Variants in XKR4 observed in about 807,000 individuals in gnomAD.
The protein encoded by XKR4 is XK-related protein 4.
Under a neutral mutation model 53.9 loss-of-function variants are expected in XKR4, and 12 were observed. That is an observed-to-expected ratio of 0.22 (90% CI 0.14 to 0.36). The LOEUF (loss-of-function observed/expected upper bound fraction) is 0.36. XKR4 is among the 10% of genes least tolerant of loss of function. The probability of loss-of-function intolerance (pLI) is 1.00; values close to 1 mark genes in which losing one functional copy is unlikely to be tolerated. For synonymous variants in XKR4, 354 were observed against 362.4 expected (o/e 0.98, Z 0.26); for missense variants, 799 against 859.5 (o/e 0.93, Z 0.88).
chr8:55,346,685 A>ATGGGTGTG (rs1803648418), intron 1 of XKR4, among the ~76,000 whole-genome samples: 1 of 138,396 alleles, frequency 7.2e-6, no homozygotes, highest in Non-Finnish European at 1.6e-5. Flanking sequence ...TGTTGAGGTT[A>ATGGGTGTG]TGTGTGTGTG....
intron 1 of XKR4, among the ~76,000 whole-genome samples, chr8:55,137,721 A>T (rs554450849): frequency 5.3e-5 from 8 of 151,844 alleles, no homozygotes; most frequent in African/African-American, 1.9e-4. Context: ...ATGCCACCAC[A>T]CCTGGCTAAT....
chr8:55,163,433 T>C (rs1294150938), intron 1 of XKR4, among the ~76,000 whole-genome samples: 2 of 152,226 alleles, frequency 1.3e-5, no homozygotes, highest in South Asian at 2.1e-4. Flanking sequence ...CGTGGTTCCA[T>C]ATAGAATTTC....
intron 1 of XKR4, among the ~76,000 whole-genome samples, chr8:55,219,169 A>G (rs1817847074): frequency 6.6e-6 from 1 of 152,214 alleles, no homozygotes; most frequent in Non-Finnish European, 1.5e-5. Flanking sequence ...CAGTAATTAC[A>G]GGAAATGGCA....
Position 55,384,990 on chromosome 8 carries a change from C to A in XKR4, c.1006+27113C>A, listed in dbSNP as rs146829697. On this transcript the variant is annotated intron_variant, in intron 2 of 2. Transcript: ENST00000327381. ...ACTAGTGACCATTCTTTTGAATGGC[C>A]TTAATACAACAATAGTGTAGCCTCT... Among the ~76,000 whole-genome samples, 153 of 152,162 alleles carry A rather than the reference C, an allele frequency of 1.0e-3. 2 individuals are homozygous for A. Among genetic ancestry groups the A allele is most frequent in the African/African-American group, 3.5e-3 (145 of 41,514 alleles).
At chr8:55,364,925 C>A (rs957249898) in intron 2 of XKR4, among the ~76,000 whole-genome samples, 3 of 152,328 alleles carry the variant, frequency 2.0e-5, no homozygotes, top group Admixed American at 2.0e-4. Context: ...CACACCCGAC[C>A]AATTTGTCCT....
intron 1 of XKR4, among the ~76,000 whole-genome samples, chr8:55,352,698 T>C (rs911313213): frequency 4.6e-5 from 7 of 152,228 alleles, no homozygotes; most frequent in Non-Finnish European, 1.5e-5. Context: ...ACCTATGTGA[T>C]TGGTACTGTG....
chr8:55,412,119 C>T (rs1165355542), intron 2 of XKR4, among the ~76,000 whole-genome samples: 1 of 152,128 alleles, frequency 6.6e-6, no homozygotes, highest in Non-Finnish European at 1.5e-5. Flanking sequence ...ACGCTGATTT[C>T]CATGGGGTCC....
intron 1 of XKR4, among the ~76,000 whole-genome samples, chr8:55,222,248 T>G (rs1817890898): frequency 6.6e-6 from 1 of 152,256 alleles, no homozygotes; most frequent in African/African-American, 2.4e-5. Flanking sequence ...AATACTCACC[T>G]TTCCTGTGGG....
chr8:55,526,398 T>C lies in XKR4; in HGVS notation c.*2171T>C, dbSNP rs939425983. ...GACATACTTCCTAGTACTCCATGATTTGATCCTCCAAGCAAGATTTCCACT... is the reference window on the plus strand; with the variant it reads ...GACATACTTCCTAGTACTCCATGATCTGATCCTCCAAGCAAGATTTCCACT... On this transcript the variant is annotated 3_prime_UTR_variant, in exon 3 of 3. Transcript: ENST00000327381. The C allele has an allele frequency of 2.0e-4, 30 of 152,184 alleles. No individual in the cohort carries two copies. The highest frequency in any genetic ancestry group is 5.9e-5 in the Non-Finnish European group (4 of 68,032). The allele number at this position is 152,184 out of a possible 1,614,324, so 9.4% of individuals were successfully genotyped here.
chr8:55,524,288 C>A lies in XKR4; in HGVS notation c.*61C>A. On this transcript the variant is annotated 3_prime_UTR_variant, in exon 3 of 3. Transcript: ENST00000327381. ...GAAGGGGTGACAGCAGGGCTGTGGC[C>A]ATAATGACACTTCATCCTAGAGCAG... The A allele has an allele frequency of 6.8e-7, 1 of 1,481,132 alleles. No homozygotes were observed. Among genetic ancestry groups the A allele is most frequent in the Non-Finnish European group, 9.2e-7 (1 of 1,085,264 alleles). 91.7% of individuals were successfully genotyped at this position (1,481,132 alleles called of 1,614,324 possible). A position where few individuals can be genotyped will look rare whatever the true frequency, so the allele number is the denominator to read the frequency against.
In XKR4 at chr8:55,281,717, G is replaced by A. The variant is rs111737695; in HGVS notation, c.807-75961G>A. Among the ~76,000 whole-genome samples the A allele has an allele frequency of 1.6e-3, 243 of 152,228 alleles. 1 individual carries two copies. Among genetic ancestry groups the A allele is most frequent in the African/African-American group, 3.7e-3 (155 of 41,542 alleles). ...TGAAATGCTTTAAGTAATTTCTCTC[G>A]CTGTTTATATTCTGGGGTCTTGACA... On this transcript the variant is annotated intron_variant, in intron 1 of 2. Transcript: ENST00000327381.
chr8:55,439,775 A>G (rs1805238581), intron 2 of XKR4, among the ~76,000 whole-genome samples: 1 of 152,218 alleles, frequency 6.6e-6, no homozygotes, highest in East Asian at 1.9e-4. Flanking sequence ...AAAATAAAAT[A>G]AAGGAAATTA....
intron 2 of XKR4, among the ~76,000 whole-genome samples, chr8:55,461,952 C>A (rs1037475937): frequency 1.3e-5 from 2 of 152,208 alleles, no homozygotes; most frequent in Non-Finnish European, 2.9e-5. Flanking sequence ...CAAACAAAGC[C>A]TCCAAGAAAT....
intron 1 of XKR4, among the ~76,000 whole-genome samples, chr8:55,246,373 G>A (rs1361990523): frequency 6.6e-6 from 1 of 152,158 alleles, no homozygotes; most frequent in Non-Finnish European, 1.5e-5. Flanking sequence ...TCACAAGGCA[G>A]TATGATGTGG....
intron 1 of XKR4, among the ~76,000 whole-genome samples, chr8:55,243,505 A>G (rs1229456786): frequency 6.6e-6 from 1 of 152,226 alleles, no homozygotes; most frequent in Non-Finnish European, 1.5e-5. Flanking sequence ...AGTTTTAGCA[A>G]TTATGAATAG....
At chr8:55,349,148 T>TC (rs1803691951) in intron 1 of XKR4, among the ~76,000 whole-genome samples, 1 of 152,236 alleles carries the variant, frequency 6.6e-6, no homozygotes, top group Non-Finnish European at 1.5e-5. Flanking sequence ...TCATCTTATT[T>TC]TTAATTAGTC....
At chr8:55,189,508 G>C (rs1215846825) in intron 1 of XKR4, among the ~76,000 whole-genome samples, 1 of 152,172 alleles carries the variant, frequency 6.6e-6, no homozygotes, top group East Asian at 1.9e-4. Flanking sequence ...GTTGCTCCTA[G>C]GCTACAAACC....
At chr8:55,156,660 T>C (rs1428169012) in intron 1 of XKR4, among the ~76,000 whole-genome samples, 2 of 152,216 alleles carry the variant, frequency 1.3e-5, no homozygotes, top group East Asian at 3.8e-4. Flanking sequence ...GCTTGTTTTT[T>C]TTCCCCCATT....
intron 2 of XKR4, among the ~76,000 whole-genome samples, chr8:55,463,018 T>C (rs1247588344): frequency 6.6e-6 from 1 of 152,126 alleles, no homozygotes; most frequent in Non-Finnish European, 1.5e-5. Context: ...TCCCACACTA[T>C]AATAATGCGA....
Sources: allele counts gnomAD v4.1 joint callset (sites outside exome capture counted in the v4.1 genomes callset), GRCh38; gene constraint gnomAD v4.1.1; transcripts MANE v1.5; gene names NCBI Gene and HGNC (gene_info 2026-07-23, HGNC 2026-07-21).